HPSE2: variants seen among roughly 807,000 people sequenced by gnomAD.
HPSE2 encodes the protein heparanase 2 (inactive), also known as inactive heparanase-2.
A neutral mutation model predicts 60.5 loss-of-function variants in HPSE2; 38 were observed. The ratio of observed to expected loss-of-function variants is 0.63; its 90% CI spans 0.48 to 0.82. HPSE2 has a LOEUF of 0.82. Ranked by LOEUF, HPSE2 falls within the 40% of genes least tolerant of loss-of-function variation. HPSE2 has a pLI of 0.00. For missense variants in HPSE2, 713 were observed against 740.4 expected (o/e 0.96, Z 0.43); for synonymous variants, 295 against 293.2 (o/e 1.01, Z -0.06).
chr10:98,697,348 C>T (rs1315370494), intron 5 of HPSE2, among the ~76,000 whole-genome samples: 5 of 152,058 alleles, frequency 3.3e-5, no homozygotes, highest in Non-Finnish European at 7.4e-5. Flanking sequence ...AGCATGAGAA[C>T]GTTGTGAAGT....
At chr10:99,178,409 T>C (rs1009342881) in intron 2 of HPSE2, among the ~76,000 whole-genome samples, 2 of 151,748 alleles carry the variant, frequency 1.3e-5, no homozygotes, top group African/African-American at 4.8e-5. Context: ...AAGAATCAAA[T>C]AGACACAACA....
At chr10:99,007,881 G>C (rs2135391406) in intron 3 of HPSE2, among the ~76,000 whole-genome samples, 1 of 152,308 alleles carries the variant, frequency 6.6e-6, no homozygotes. Context: ...ACCTAAAGCG[G>C]AGATTCAGGG....
At chr10:99,052,698 A>G (rs148243521) in intron 3 of HPSE2, among the ~76,000 whole-genome samples, 2 of 152,250 alleles carry the variant, frequency 1.3e-5, no homozygotes, top group East Asian at 1.9e-4. Context: ...ATAAAGGAGG[A>G]ATGATGCAAA....
At chr10:98,754,104 A>AAATCC (rs972725023) in intron 3 of HPSE2, among the ~76,000 whole-genome samples, 3 of 152,202 alleles carry the variant, frequency 2.0e-5, no homozygotes, top group Admixed American at 1.3e-4. Flanking sequence ...AAAATCTAAA[A>AAATCC]AATCCAATAA....
At chr10:98,509,905 C>G (rs1461010396) in intron 9 of HPSE2, among the ~76,000 whole-genome samples, 1 of 152,038 alleles carries the variant, frequency 6.6e-6, no homozygotes, top group Non-Finnish European at 1.5e-5. Flanking sequence ...CCTGCCCCTC[C>G]TATCCCAACC....
chr10:98,683,138 C>T (rs1947827212), intron 6 of HPSE2, among the ~76,000 whole-genome samples: 1 of 152,072 alleles, frequency 6.6e-6, no homozygotes, highest in South Asian at 2.1e-4. Flanking sequence ...CCCCTAATGA[C>T]CTAATCAAAT....
At chr10:98,536,779 C>T (rs1943296119) in intron 9 of HPSE2, among the ~76,000 whole-genome samples, 1 of 152,128 alleles carries the variant, frequency 6.6e-6, no homozygotes, top group Admixed American at 6.5e-5. Flanking sequence ...GTGGTAGGCA[C>T]TGGGATTGCA....
At chr10:98,621,820 A>G (rs1946081786) in intron 7 of HPSE2, among the ~76,000 whole-genome samples, 1 of 152,234 alleles carries the variant, frequency 6.6e-6, no homozygotes, top group South Asian at 2.1e-4. Context: ...GAAGGAAATA[A>G]GAAGTGAGGT....
chr10:99,073,443 G>A (rs1001121172), intron 3 of HPSE2, among the ~76,000 whole-genome samples: 3 of 152,078 alleles, frequency 2.0e-5, no homozygotes, highest in African/African-American at 7.2e-5. Context: ...CATGGACACA[G>A]GGAGGAGAAC....
chr10:99,101,745 C>G (rs1204671415), intron 3 of HPSE2, among the ~76,000 whole-genome samples: 1 of 152,196 alleles, frequency 6.6e-6, no homozygotes, highest in Non-Finnish European at 1.5e-5. Flanking sequence ...TAAAGCACTC[C>G]TCAGCAAATG....
chr10:98,771,764 G>A (rs1950245816), intron 3 of HPSE2, among the ~76,000 whole-genome samples: 1 of 152,148 alleles, frequency 6.6e-6, no homozygotes, highest in Non-Finnish European at 1.5e-5. Flanking sequence ...GGATCCCAGT[G>A]GATGGGGCAA....
At chr10:98,472,229 C>T (rs966104962) in intron 11 of HPSE2, among the ~76,000 whole-genome samples, 8 of 151,414 alleles carry the variant, frequency 5.3e-5, no homozygotes, top group African/African-American at 1.9e-4. Context: ...TTTATATTTC[C>T]GCTTTTTACA....
rs549538717 is a variant in HPSE2, at chr10:98,627,618, G to C, written c.1099-6910C>G. Among the ~76,000 whole-genome samples, 202 of 152,144 alleles carry C rather than the reference G, an allele frequency of 1.3e-3. 5 individuals carry two copies. Among genetic ancestry groups the C allele is most frequent in the Non-Finnish European group, 4.6e-4 (31 of 68,028 alleles). ...TGACTTTGAATGAGTTGTATTACCTGTCTGTGTTTCAATTTTCTCAGCTGT... is the reference window on the plus strand; with the variant it reads ...TGACTTTGAATGAGTTGTATTACCTCTCTGTGTTTCAATTTTCTCAGCTGT... On this transcript the variant is annotated intron_variant, in intron 7 of 11. Coordinates refer to ENST00000370552, the MANE Select transcript of HPSE2 (RefSeq NM_021828.5).
intron 3 of HPSE2, among the ~76,000 whole-genome samples, chr10:99,091,644 G>A (rs948522149): frequency 1.3e-5 from 2 of 152,110 alleles, no homozygotes; most frequent in African/African-American, 4.8e-5. Flanking sequence ...TTGGCATTCT[G>A]TGCTCCATTC....
chr10:98,993,036 C>T (rs78080455), intron 3 of HPSE2, among the ~76,000 whole-genome samples: 62 of 152,290 alleles, frequency 4.1e-4, no homozygotes, highest in African/African-American at 1.4e-3. Flanking sequence ...TCTTTGATCG[C>T]TATGATTTCT....
At chr10:98,558,854 T>C (rs911044540) in intron 9 of HPSE2, among the ~76,000 whole-genome samples, 1 of 152,170 alleles carries the variant, frequency 6.6e-6, no homozygotes, top group African/African-American at 2.4e-5. Flanking sequence ...TCTGAAAACA[T>C]GTGAAGATCT....
intron 7 of HPSE2, among the ~76,000 whole-genome samples, chr10:98,626,988 C>T (rs890805805): frequency 6.6e-6 from 1 of 152,008 alleles, no homozygotes; most frequent in Non-Finnish European, 1.5e-5. Flanking sequence ...TTAGCCAGGA[C>T]GGTCTCAATC....
intron 3 of HPSE2, among the ~76,000 whole-genome samples, chr10:98,758,743 C>A (rs779875165): frequency 6.6e-6 from 1 of 152,116 alleles, no homozygotes; most frequent in Non-Finnish European, 1.5e-5. Flanking sequence ...GGTAGGAATG[C>A]AAATTAGTTC....
chr10:98,878,160 G>A (rs186394493), intron 3 of HPSE2, among the ~76,000 whole-genome samples: 1 of 152,058 alleles, frequency 6.6e-6, no homozygotes, highest in African/African-American at 2.4e-5. Context: ...CCAGCACAGT[G>A]CTGTGATCAC....
Sources: allele counts gnomAD v4.1 joint callset (sites outside exome capture counted in the v4.1 genomes callset), GRCh38; gene constraint gnomAD v4.1.1; transcripts MANE v1.5; gene names NCBI Gene and HGNC (gene_info 2026-07-23, HGNC 2026-07-21).